Variants in CDC6 observed in about 807,000 individuals in gnomAD.
CDC6 encodes cell division cycle 6, also known as DNA replication factor CDC6.
Under a neutral mutation model 60.2 loss-of-function variants are expected in CDC6, and 46 were observed. That is an observed-to-expected ratio of 0.76 (90% confidence interval 0.60 to 0.98). CDC6 has a LOEUF of 0.98. CDC6 is among the 50% of genes least tolerant of loss of function. The pLI is 0.00. For missense variants in CDC6, 596 were observed against 652.9 expected (o/e 0.91, Z 0.95); for synonymous variants, 210 against 233.2 (o/e 0.90, Z 0.90).
At position 40,301,989 on chromosome 17, in the gene CDC6, T is replaced by C. The variant is rs1162870263; in HGVS notation, c.1671T>C (p.Thr557=). ...CTTTAATTGGAAATATCTTAGCTACTGGATTGCCTTAAATTCTTCTCTTAC... is the reference window on the plus strand; with the variant it reads ...CTTTAATTGGAAATATCTTAGCTACCGGATTGCCTTAAATTCTTCTCTTAC... The part of the protein sequence containing the change: ...DKALIGNILA[T]GLP The change falls in exon 12 of 12, where the codon ACT becomes ACC. Residue 557 remains threonine, a synonymous_variant. Transcript: ENST00000209728. 4 of 1,577,608 alleles carry C rather than the reference T, an allele frequency of 2.5e-6. No homozygotes were observed. The African/African-American group carries it at 4.0e-5, about 16-fold the overall frequency.
Position 40,300,919 on chromosome 17 carries a change from C to T in CDC6, c.1341C>T (p.Thr447=). ...VISEVDGNRM[T]LSQEGAQDSF... The stretch of plus-strand genomic sequence containing the variant: ...CAGAAGTTGATGGTAACAGGATGAC[C>T]TTGAGCCAAGAAGGAGCACAAGATT... Residue 447 remains threonine (T), a synonymous_variant, in exon 10 of 12, where the codon ACC becomes ACT. Transcript: ENST00000209728. 1.9e-6 allele frequency: 3 copies of T among 1,613,968 alleles called. No individual in the cohort carries two copies. The highest frequency in any genetic ancestry group is 1.7e-6 in the Non-Finnish European group (2 of 1,179,856).
chr17:40,291,351 C>A lies in CDC6; in HGVS notation c.460+12C>A. On this transcript the variant is annotated intron_variant, in intron 3 of 11. Transcript: ENST00000209728. ...ATTCAAGCAAGAAGGTTTGTTCTTA[C>A]ATGGCAACTGTTAGTGCAGCCATTG... 6.2e-7 allele frequency: 1 copy of A among 1,614,012 alleles called. No individual in the cohort carries two copies. Among genetic ancestry groups the A allele is most frequent in the Non-Finnish European group, 8.5e-7 (1 of 1,179,896 alleles).
At chr17:40,294,186 C>G (rs965148219) in intron 6 of CDC6, 130 bp downstream of exon 6, 2 of 928,808 alleles carry the variant, frequency 2.2e-6, no homozygotes, top group Non-Finnish European at 3.5e-6. Context: ...AGTTAAATGA[C>G]TATGTACATC....
chr17:40,295,650 C>T lies in CDC6; in HGVS notation c.1184+194C>T, dbSNP rs2032847509. The T allele has an allele frequency of 2.4e-5, 14 of 595,262 alleles. No individual in the cohort carries two copies. In the South Asian group the frequency reaches 2.4e-4, roughly 10 times the overall value. 36.9% of individuals were successfully genotyped at this position (595,262 alleles called of 1,614,324 possible). On this transcript the variant is annotated intron_variant, in intron 8 of 11. Coordinates refer to ENST00000209728, the MANE Select transcript of CDC6 (RefSeq NM_001254.4). ...TGTTAATGTCTGAAACATTATCAGT[C>T]CATTACCTACAGAGGGAGAAACAAA...
At chr17:40,288,663 C>A (rs914900000) in intron 1 of CDC6, among the ~76,000 whole-genome samples, 1 of 151,028 alleles carries the variant, frequency 6.6e-6, no homozygotes, top group African/African-American at 2.4e-5. Flanking sequence ...CGGCTCACTG[C>A]AAGCTCCGCC....
chr17:40,293,468 G>C lies in CDC6; in HGVS notation c.673G>C (p.Gly225Arg), dbSNP rs1286834782. 1 of 1,613,814 alleles carries C rather than the reference G, an allele frequency of 6.2e-7. No individual in the cohort carries two copies. Among genetic ancestry groups the C allele is most frequent in the African/African-American group, 1.3e-5 (1 of 74,890 alleles). ...ILQDLKKELK[G>R]FKTIMLNCMS... ...TTTTTTTTTCCAGAAGGAACTGAAAGGCTTTAAAACTATCATGCTGAATTG... is the reference window on the plus strand; with the variant it reads ...TTTTTTTTTCCAGAAGGAACTGAAACGCTTTAAAACTATCATGCTGAATTG... Residue 225 changes from glycine (G) to arginine (R), a missense_variant, in exon 5 of 12, where the codon GGC becomes CGC. Transcript: ENST00000209728.
rs4135000 is a variant in CDC6, at chr17:40,289,684, C to G, written c.178+86C>G. ...GATGTGTGTCCTTTGAAGGAGCTTT[C>G]TAAGTTCAGTTAAGACTTCTTTTTT... On this transcript the variant is annotated intron_variant, in intron 2 of 11. Coordinates refer to ENST00000209728, the MANE Select transcript of CDC6 (RefSeq NM_001254.4). 4,862 of 672,486 alleles carry G rather than the reference C, an allele frequency of 7.2e-3. 183 individuals carry two copies. In the Admixed American group the frequency reaches 0.082, roughly 11 times the overall value. The allele number at this position is 672,486 out of a possible 1,614,324, so 41.7% of individuals were successfully genotyped here. A position where few individuals can be genotyped will look rare whatever the true frequency, so the allele number is the denominator to read the frequency against.
rs1169746491 is a variant in CDC6 at position 40,303,375 on chromosome 17, C to T, written c.*1374C>T. On this transcript the variant is annotated 3_prime_UTR_variant, in exon 12 of 12. Coordinates refer to ENST00000209728, the MANE Select transcript of CDC6 (RefSeq NM_001254.4). ...AGCCAGTGACCAAGTCTGCTTTTCC[C>T]TGAGCTCTCCTGCTGCCGCCTCTAC... is the stretch of plus-strand genomic sequence containing the variant. 2.0e-5 allele frequency: 3 copies of T among 152,236 alleles called. No homozygotes were observed. Among genetic ancestry groups the T allele is most frequent in the African/African-American group, 7.2e-5 (3 of 41,456 alleles). 9.4% of individuals were successfully genotyped at this position (152,236 alleles called of 1,614,324 possible). A position where few individuals can be genotyped will look rare whatever the true frequency, so the allele number is the denominator to read the frequency against.
At chr17:40,296,639 G>A (rs2032863778) in intron 8 of CDC6, 64 bp from the exon 9 acceptor site, 3 of 904,502 alleles carry the variant, frequency 3.3e-6, no homozygotes, top group African/African-American at 1.7e-5. Context: ...CCGCTTTTGA[G>A]GCTGGTGGTT....
In CDC6 at chr17:40,294,030, T is replaced by A; in HGVS notation, c.917T>A (p.Leu306Gln). Reference sequence around the variant, plus strand: ...TACACGCTATTTGAATGGCCATGGCTAAGCAATTCTCACTTGGTGCTGATT... The same window carrying A: ...TACACGCTATTTGAATGGCCATGGCAAAGCAATTCTCACTTGGTGCTGATT... ...VLYTLFEWPW[L>Q]SNSHLVLIGI... The change falls in exon 6 of 12, where the codon CTA becomes CAA. Residue 306 changes from leucine (L) to glutamine (Q), a missense_variant. By Grantham distance (113) the Leu-to-Gln change is moderately radical. Coordinates refer to ENST00000209728, the MANE Select transcript of CDC6 (RefSeq NM_001254.4). The A allele has an allele frequency of 6.2e-7, 1 of 1,613,490 alleles. No individual in the cohort carries two copies. Among genetic ancestry groups the A allele is most frequent in the Non-Finnish European group, 8.5e-7 (1 of 1,179,356 alleles).
intron 2 of CDC6, 68 bp from the exon 3 acceptor site, chr17:40,290,990 G>A: frequency 2.0e-6 from 3 of 1,486,424 alleles, no homozygotes; most frequent in Non-Finnish European, 2.8e-6. Flanking sequence ...GGAAGAGGCA[G>A]AGGTCTTGCA....
At chr17:40,289,990 G>A (rs2032729153) in intron 2 of CDC6, among the ~76,000 whole-genome samples, 1 of 151,432 alleles carries the variant, frequency 6.6e-6, no homozygotes, top group Non-Finnish European at 1.5e-5. Flanking sequence ...CTCCCAAAGT[G>A]CTGGGATTAT....
Position 40,293,525 on chromosome 17 carries a change from C to T in CDC6, c.730C>T (p.Pro244Ser). The change falls in exon 5 of 12, where the codon CCA (proline) becomes TCA (serine). Residue 244 changes from proline to serine, a missense_variant. Transcript: ENST00000209728. ...CTTGAGGACTGCCCAGGCTGTATTC[C>T]CAGCTATTGCTCAGGAGATTTGTCA... ...MSLRTAQAVF[P>S]AIAQEICQEE... 1 of 1,613,792 alleles carries T rather than the reference C, an allele frequency of 6.2e-7. No homozygotes were observed. Among genetic ancestry groups the T allele is most frequent in the Non-Finnish European group, 8.5e-7 (1 of 1,179,722 alleles).
In CDC6 at chr17:40,304,006, T is replaced by G. The variant is rs2032969999; in HGVS notation, c.*2005T>G. The stretch of plus-strand genomic sequence containing the variant: ...TAGGGCTTGAGTCAGGAACATGGCT[T>G]GACTCGCAGTGGGGCTGCTATGTAT... On this transcript the variant is annotated 3_prime_UTR_variant, in exon 12 of 12. Coordinates refer to ENST00000209728, the MANE Select transcript of CDC6 (RefSeq NM_001254.4). 1 of 152,286 alleles carries G rather than the reference T, an allele frequency of 6.6e-6. No homozygotes were observed. Among genetic ancestry groups the G allele is most frequent in the South Asian group, 2.1e-4 (1 of 4,836 alleles). 9.4% of individuals were successfully genotyped at this position (152,286 alleles called of 1,614,324 possible). A position where few individuals can be genotyped will look rare whatever the true frequency, so the allele number is the denominator to read the frequency against.
At position 40,289,482 on chromosome 17, in the gene CDC6, G is replaced by C; in HGVS notation, c.62G>C (p.Arg21Pro). 1 of 1,613,792 alleles carries C rather than the reference G, an allele frequency of 6.2e-7. No individual in the cohort carries two copies. The highest frequency in any genetic ancestry group is 8.5e-7 in the Non-Finnish European group (1 of 1,179,960). The stretch of plus-strand genomic sequence containing the variant: ...AGTTTTCCAAAAAGGAAGCTGTCTC[G>C]GGCATTGAACAAAGCTAAAAACTCC... ...TISFPKRKLS[R>P]ALNKAKNSSD... Residue 21 changes from arginine to proline, a missense_variant, in exon 2 of 12, where the codon CGG (arginine) becomes CCG (proline). Arg to Pro is a moderately radical substitution (Grantham distance 103). Transcript: ENST00000209728.
At position 40,296,785 on chromosome 17, in the gene CDC6, T is replaced by C. The variant is rs2032865523; in HGVS notation, c.1249+18T>C. The C allele has an allele frequency of 5.4e-6, 8 of 1,488,800 alleles. No homozygotes were observed. The highest frequency in any genetic ancestry group is 4.1e-5 in the African/African-American group (3 of 72,634). 92.2% of individuals were successfully genotyped at this position (1,488,800 alleles called of 1,614,324 possible). On this transcript the variant is annotated intron_variant, in intron 9 of 11. Transcript: ENST00000209728. ...GTCTGAATGTAAGTAGTTTATCTCC[T>C]TCCTGTCTTCCTTTGTAACTAGAAG... is the stretch of plus-strand genomic sequence containing the variant.
In CDC6 at chr17:40,302,085, G is replaced by C. The variant is rs938053501; in HGVS notation, c.*84G>C. 1 of 835,146 alleles carries C rather than the reference G, an allele frequency of 1.2e-6. No individual in the cohort carries two copies. The highest frequency in any genetic ancestry group is 1.7e-5 in the African/African-American group (1 of 59,854). 51.7% of individuals were successfully genotyped at this position (835,146 alleles called of 1,614,324 possible). On this transcript the variant is annotated 3_prime_UTR_variant, in exon 12 of 12. Transcript: ENST00000209728. ...TCATTTTAGTGCTTTACACATTCGG[G>C]CCTGAAAACAAATATGACCTTTTTT...
intron 9 of CDC6, among the ~76,000 whole-genome samples, chr17:40,298,299 C>G (rs2032888496): frequency 6.6e-6 from 1 of 152,128 alleles, no homozygotes. Context: ...TCACTGGCCC[C>G]TGTGAGCACC....
At chr17:40,301,837 G>C in intron 11 of CDC6, 75 bp from the exon 12 acceptor site, 1 of 1,044,532 alleles carries the variant, frequency 9.6e-7, no homozygotes, top group Non-Finnish European at 1.5e-6. Context: ...AGTTTAATAT[G>C]GTAGAAGTTT....
Sources: allele counts gnomAD v4.1 joint callset (sites outside exome capture counted in the v4.1 genomes callset), GRCh38; gene constraint gnomAD v4.1.1; transcripts MANE v1.5; gene names NCBI Gene and HGNC (gene_info 2026-07-23, HGNC 2026-07-21).